DAAM1: variants seen among roughly 807,000 people sequenced by gnomAD.
DAAM1 encodes disheveled-associated activator of morphogenesis 1.
In DAAM1, 52 loss-of-function variants were observed where a neutral mutation model predicts 130.0. That is an observed-to-expected ratio of 0.40 (90% CI 0.32 to 0.50). The LOEUF is 0.50. Among genes scored for constraint, DAAM1 ranks in the 20% least tolerant of loss-of-function variants. The pLI is 0.61. For missense variants in DAAM1, 1,134 were observed against 1,303.8 expected (o/e 0.87, Z 2.01); for synonymous variants, 452 against 444.5 (o/e 1.02, Z -0.21).
intron 2 of DAAM1, among the ~76,000 whole-genome samples, chr14:59,280,682 T>C (rs1216612142): frequency 6.6e-6 from 1 of 151,944 alleles, no homozygotes; most frequent in African/African-American, 2.4e-5. Flanking sequence ...TATAGCAATG[T>C]GATAAATTCC....
intron 1 of DAAM1, among the ~76,000 whole-genome samples, chr14:59,255,769 A>G (rs1332561184): frequency 2.0e-5 from 3 of 152,230 alleles, no homozygotes; most frequent in Non-Finnish European, 2.9e-5. Flanking sequence ...GACCATTTAT[A>G]GTACCAGAAC....
chr14:59,363,685 C>A lies in DAAM1; in HGVS notation c.2729C>A (p.Pro910His). The change falls in exon 23 of 25, where the codon CCC (proline) becomes CAC (histidine). Residue 910 changes from proline (P) to histidine (H), a missense_variant. By Grantham distance (77) the Pro-to-His change is moderately conservative (BLOSUM62 -2). Coordinates refer to ENST00000360909, the MANE Select transcript of DAAM1 (RefSeq NM_001270520.2). ...LEYQKSQPPQ[P>H]GDKFVSVVSQ... ...TATCAGAAGTCTCAGCCCCCACAGC[C>A]CGGAGATAAGTTTGTGTCTGTTGTC... 6.2e-7 allele frequency: 1 copy of A among 1,614,080 alleles called. No individual in the cohort carries two copies. The highest frequency in any genetic ancestry group is 1.1e-5 in the South Asian group (1 of 91,084).
chr14:59,223,999 A>G (rs566516657), intron 1 of DAAM1, among the ~76,000 whole-genome samples: 4 of 152,298 alleles, frequency 2.6e-5, no homozygotes, highest in African/African-American at 7.2e-5. Context: ...GTGGAAGGGA[A>G]AGGTGATCAA....
At chr14:59,192,240 A>G (rs1887755275) in intron 1 of DAAM1, among the ~76,000 whole-genome samples, 1 of 151,288 alleles carries the variant, frequency 6.6e-6, no homozygotes, top group Non-Finnish European at 1.5e-5. Flanking sequence ...TGTTGGCACT[A>G]TGGTCCTTAA....
chr14:59,354,073 T>G, intron 19 of DAAM1, 109 bp downstream of exon 19: 1 of 1,177,132 alleles, frequency 8.5e-7, no homozygotes, highest in South Asian at 1.5e-5. Flanking sequence ...TTTTTTTTTT[T>G]TTTTTGAGAC....
intron 1 of DAAM1, among the ~76,000 whole-genome samples, chr14:59,241,188 A>G (rs1881100947): frequency 6.6e-6 from 1 of 152,192 alleles, no homozygotes. Flanking sequence ...GAGGAAAAAC[A>G]TTTTTTTGAG....
In DAAM1 at chr14:59,296,634, A is replaced by T. The variant is rs1257632415; in HGVS notation, c.273+5328A>T. On this transcript the variant is annotated intron_variant, in intron 3 of 24. Transcript: ENST00000360909. Reference sequence around the variant, plus strand: ...CAACCTCTAGGAGTGTGTGTGTTTGACTGAGACAACCATTCTTTTACCACT... The same window carrying T: ...CAACCTCTAGGAGTGTGTGTGTTTGTCTGAGACAACCATTCTTTTACCACT... Among the ~76,000 whole-genome samples the T allele has an allele frequency of 4.6e-5, 7 of 152,184 alleles. No homozygotes were observed. The South Asian group carries it at 1.5e-3, about 32-fold the overall frequency.
chr14:59,331,392 C>A lies in DAAM1; in HGVS notation c.1744C>A (p.Pro582Thr). 6.2e-7 allele frequency: 1 copy of A among 1,613,596 alleles called. No homozygotes were observed. Among genetic ancestry groups the A allele is most frequent in the Non-Finnish European group, 8.5e-7 (1 of 1,179,936 alleles). Residue 582 changes from proline to threonine, a missense_variant, in exon 14 of 25, where the codon CCC becomes ACC. Physicochemically the swap from Pro to Thr is conservative, Grantham distance 38. Transcript: ENST00000360909. ...GGPPPPPGPP[P>T]LGAIMPPPGA... ...CCCTCCTCCTCCCCCAGGGCCTCCT[C>A]CCTTAGGGGCAATCATGCCACCTCC...
intron 19 of DAAM1, among the ~76,000 whole-genome samples, chr14:59,354,575 A>G (rs1476289958): frequency 1.3e-5 from 2 of 152,194 alleles, no homozygotes; most frequent in African/African-American, 4.8e-5. Flanking sequence ...GCTTCCTCAC[A>G]ACAGAGCCTT....
At chr14:59,230,916 G>A (rs945496730) in intron 1 of DAAM1, among the ~76,000 whole-genome samples, 3 of 152,140 alleles carry the variant, frequency 2.0e-5, no homozygotes, top group Non-Finnish European at 4.4e-5. Flanking sequence ...TATATGGCAT[G>A]TGGGATTCGT....
Position 59,326,577 on chromosome 14 carries a change from C to T in DAAM1, c.1242C>T (p.Ile414=). 1 of 1,613,684 alleles carries T rather than the reference C, an allele frequency of 6.2e-7. No homozygotes were observed. Among genetic ancestry groups the T allele is most frequent in the East Asian group, 2.2e-5 (1 of 44,840 alleles). The change falls in exon 11 of 25, where the codon ATC becomes ATT. Residue 414 remains isoleucine (I), a synonymous_variant. Transcript: ENST00000360909. ...LLDRIIQQIV[I]QNDKGQDPDS... is the part of the protein sequence containing the mutation. ...ATAGAATTATACAGCAGATAGTTAT[C>T]CAGAATGACAAAGGACAGGACCCTG...
chr14:59,263,116 C>G (rs1882253911), intron 1 of DAAM1, among the ~76,000 whole-genome samples: 1 of 152,162 alleles, frequency 6.6e-6, no homozygotes, highest in South Asian at 2.1e-4. Flanking sequence ...GTAACAAGAA[C>G]AAACTAGGTC....
intron 1 of DAAM1, among the ~76,000 whole-genome samples, chr14:59,195,929 C>T (rs2139383493): frequency 6.6e-6 from 1 of 151,326 alleles, no homozygotes; most frequent in African/African-American, 2.4e-5. Context: ...CTAGACTGTA[C>T]ATTGTGGACA....
intron 1 of DAAM1, among the ~76,000 whole-genome samples, chr14:59,218,071 T>C (rs1888647418): frequency 6.6e-6 from 1 of 151,976 alleles, no homozygotes; most frequent in Non-Finnish European, 1.5e-5. Flanking sequence ...AGTTGGAGGC[T>C]GCAGTGAACT....
At chr14:59,357,266 A>T (rs1886519462) in intron 20 of DAAM1, 1 of 152,250 alleles carries the variant, frequency 6.6e-6, no homozygotes. Flanking sequence ...TAAAAAGTGA[A>T]AAAAATAGGC....
At chr14:59,350,571 G>A (rs903400399) in intron 17 of DAAM1, among the ~76,000 whole-genome samples, 5 of 152,020 alleles carry the variant, frequency 3.3e-5, no homozygotes, top group Admixed American at 1.3e-4. Flanking sequence ...AGCCATCCAC[G>A]CTCACTTTCT....
At chr14:59,189,581 C>T (rs935780664) in intron 1 of DAAM1, among the ~76,000 whole-genome samples, 2 of 152,104 alleles carry the variant, frequency 1.3e-5, no homozygotes, top group Admixed American at 6.5e-5. Context: ...AGCCCTGGGC[C>T]AGGAGGTGGT....
At chr14:59,251,772 G>C (rs2139482829) in intron 1 of DAAM1, among the ~76,000 whole-genome samples, 1 of 152,178 alleles carries the variant, frequency 6.6e-6, no homozygotes, top group Admixed American at 6.5e-5. Flanking sequence ...TGCCTCTTTT[G>C]AACATCCATT....
intron 2 of DAAM1, among the ~76,000 whole-genome samples, chr14:59,268,988 T>C (rs1882590008): frequency 6.6e-6 from 1 of 152,226 alleles, no homozygotes; most frequent in Non-Finnish European, 1.5e-5. Flanking sequence ...TTTTTTATGT[T>C]AGCAATAGAC....
Sources: allele counts gnomAD v4.1 joint callset (sites outside exome capture counted in the v4.1 genomes callset), GRCh38; gene constraint gnomAD v4.1.1; transcripts MANE v1.5; gene names NCBI Gene and HGNC (gene_info 2026-07-23, HGNC 2026-07-21).